Variants in KPNA6 observed in about 807,000 individuals in gnomAD.
KPNA6 encodes importin subunit alpha-7.
A neutral mutation model predicts 72.0 loss-of-function variants in KPNA6; 9 were observed. The ratio of observed to expected loss-of-function variants is 0.13; its 90% CI spans 0.08 to 0.22. The LOEUF is 0.22. Ranked by LOEUF, KPNA6 falls within the 10% of genes least tolerant of loss-of-function variation. The pLI is 1.00. For synonymous variants in KPNA6, 219 were observed against 242.1 expected, an observed-to-expected ratio of 0.90 and a Z score of 0.89; for missense variants, 374 against 655.7, an observed-to-expected ratio of 0.57 and a Z score of 4.69.
In KPNA6 at chr1:32,108,083, A is replaced by AGCTGCCGCCGTTGCC; in HGVS notation, c.-47_-33dup. 6.2e-7 allele frequency: 1 copy of AGCTGCCGCCGTTGCC among 1,613,788 alleles called. No individual in the cohort carries two copies. On this transcript the variant is annotated 5_prime_UTR_variant, in exon 1 of 14. Transcript: ENST00000373625. ...ATTGTCTACTGAAAGCTGCCGCTGA[A>AGCTGCCGCCGTTGCC]GCTGCCGCCGTTGCCTCCGCCGCCA...
chr1:32,138,244 A>G (rs975968169), intron 1 of KPNA6, among the ~76,000 whole-genome samples: 2 of 152,094 alleles, frequency 1.3e-5, no homozygotes, highest in Non-Finnish European at 2.9e-5. Context: ...AACTTGGTTT[A>G]AAAGTAGAGG....
chr1:32,112,822 C>T (rs996267323), intron 1 of KPNA6, among the ~76,000 whole-genome samples: 1 of 152,092 alleles, frequency 6.6e-6, no homozygotes, highest in Admixed American at 6.6e-5. Context: ...TTAAGAAATC[C>T]TTATTGTGAA....
intron 1 of KPNA6, among the ~76,000 whole-genome samples, chr1:32,153,973 C>T (rs1262329385): frequency 1.3e-5 from 2 of 151,970 alleles, no homozygotes; most frequent in Admixed American, 1.3e-4. Context: ...ATGGTGAGAC[C>T]CCGTCTCTAC....
chr1:32,159,645 G>C (rs888553090), intron 6 of KPNA6, 114 bp downstream of exon 6: 35 of 1,209,678 alleles, frequency 2.9e-5, no homozygotes, highest in Non-Finnish European at 3.8e-5. Context: ...TTTCCTGAGT[G>C]ATAGGGGTGT....
In KPNA6 at chr1:32,141,375, C is replaced by CTTTT. The variant is rs71006334; in HGVS notation, c.5-13176_5-13173dup. ...AGGGCTTTTTTTTTTTAAGTTAATC[C>CTTTT]TTTTTTTTTTTTTTTTTTTTTTTTT... is the stretch of plus-strand genomic sequence containing the variant. On this transcript the variant is annotated intron_variant, in intron 1 of 13. Transcript: ENST00000373625. Among the ~76,000 whole-genome samples, 213 of 54,454 alleles carry CTTTT rather than the reference C, an allele frequency of 3.9e-3. 60 individuals are homozygous for CTTTT. The highest frequency in any genetic ancestry group is 5.1e-3 in the African/African-American group (77 of 15,114). 35.7% of individuals were successfully genotyped at this position (54,454 alleles called of 152,430 possible). A position where few individuals can be genotyped will look rare whatever the true frequency, so the allele number is the denominator to read the frequency against.
intron 1 of KPNA6, 114 bp from the exon 2 acceptor site, chr1:32,154,474 A>G: frequency 9.3e-7 from 1 of 1,075,886 alleles, no homozygotes; most frequent in Non-Finnish European, 1.3e-6. Flanking sequence ...GCTCCCAGAG[A>G]GCTGTATTCC....
intron 1 of KPNA6, among the ~76,000 whole-genome samples, chr1:32,150,378 C>A (rs184286929): frequency 7.2e-4 from 109 of 152,166 alleles, no homozygotes; most frequent in Non-Finnish European, 1.4e-3. Context: ...AGTGATCCAT[C>A]TGCCTCGGCC....
rs1262206362 is a variant in KPNA6 at position 32,170,934 on chromosome 1, C to A, written c.*40C>A. 2 of 1,585,074 alleles carry A rather than the reference C, an allele frequency of 1.3e-6. No individual in the cohort carries two copies. The highest frequency in any genetic ancestry group is 1.7e-6 in the Non-Finnish European group (2 of 1,155,234). On this transcript the variant is annotated 3_prime_UTR_variant, in exon 14 of 14. Transcript: ENST00000373625. ...GAGGGGAGGGGATGGGAAGCACCAC[C>A]AGCCAGCGGAAGAGCAGCCCTCTGG...
At chr1:32,146,559 A>G (rs893133694) in intron 1 of KPNA6, among the ~76,000 whole-genome samples, 1 of 152,226 alleles carries the variant, frequency 6.6e-6, no homozygotes, top group Non-Finnish European at 1.5e-5. Flanking sequence ...GTTGGAATCA[A>G]TACCAGCTTA....
intron 10 of KPNA6, 93 bp from the exon 11 acceptor site, chr1:32,166,012 A>AC (rs1460346781): frequency 9.4e-6 from 13 of 1,388,280 alleles, no homozygotes; most frequent in African/African-American, 6.0e-5. Flanking sequence ...AAAAAAACAA[A>AC]AACAACAACA....
chr1:32,148,537 A>G (rs1266740988), intron 1 of KPNA6, among the ~76,000 whole-genome samples: 2 of 147,792 alleles, frequency 1.4e-5, no homozygotes, highest in African/African-American at 5.0e-5. Context: ...TAGGACTCCC[A>G]TAATGTGGTG....
chr1:32,163,207 CT>C, intron 9 of KPNA6, 27 bp from the exon 10 acceptor site: 1 of 1,530,796 alleles, frequency 6.5e-7, no homozygotes, highest in Admixed American at 1.7e-5. Context: ...GTGTGCTGGC[CT>C]TCTGATCAGA....
chr1:32,116,194 T>C (rs561585970), intron 1 of KPNA6, among the ~76,000 whole-genome samples: 27 of 151,286 alleles, frequency 1.8e-4, no homozygotes, highest in East Asian at 3.9e-4. Context: ...CTTTTCTTTT[T>C]TTTTTTTTTG....
intron 10 of KPNA6, among the ~76,000 whole-genome samples, chr1:32,165,070 T>A (rs1642308355): frequency 6.6e-6 from 1 of 151,872 alleles, no homozygotes; most frequent in African/African-American, 2.4e-5. Context: ...AGCTAATTTT[T>A]TGAATTTGTT....
chr1:32,136,237 C>T (rs776666737), intron 1 of KPNA6, among the ~76,000 whole-genome samples: 2 of 149,296 alleles, frequency 1.3e-5, no homozygotes, highest in Admixed American at 6.7e-5. Flanking sequence ...AGTGCAAGGG[C>T]GTGATCTTGG....
At chr1:32,138,270 C>T (rs537946346) in intron 1 of KPNA6, among the ~76,000 whole-genome samples, 5 of 151,812 alleles carry the variant, frequency 3.3e-5, no homozygotes, top group African/African-American at 9.7e-5. Context: ...GCTGGCCAGG[C>T]GCGGTGGCTC....
At chr1:32,162,158 A>G in intron 8 of KPNA6, 112 bp downstream of exon 8, 4 of 968,964 alleles carry the variant, frequency 4.1e-6, no homozygotes, top group Non-Finnish European at 6.4e-6. Flanking sequence ...GAAAGAAGCA[A>G]TTGTTAGTGA....
intron 1 of KPNA6, among the ~76,000 whole-genome samples, chr1:32,150,868 GC>G (rs201697899): frequency 0.082 from 12,470 of 151,750 alleles, 750 homozygotes; most frequent in South Asian, 0.25. Context: ...CTCGTGGTCC[GC>G]CCACCTCGGC....
chr1:32,109,752 C>T (rs1307967864), intron 1 of KPNA6, among the ~76,000 whole-genome samples: 7 of 150,758 alleles, frequency 4.6e-5, no homozygotes, highest in African/African-American at 1.7e-4. Flanking sequence ...TCACGCCATT[C>T]TCCTGCCTCA....
Sources: allele counts gnomAD v4.1 joint callset (sites outside exome capture counted in the v4.1 genomes callset), GRCh38; gene constraint gnomAD v4.1.1; transcripts MANE v1.5; gene names NCBI Gene and HGNC (gene_info 2026-07-23, HGNC 2026-07-21).